FAM174B: variants seen among roughly 807,000 people sequenced by gnomAD.
FAM174B encodes the protein membrane protein FAM174B.
A neutral mutation model predicts 10.9 loss-of-function variants in FAM174B; 12 were observed. The ratio of observed to expected loss-of-function variants is 1.10; its 90% CI spans 0.71 to 1.79. The LOEUF is 1.79. Among genes scored for constraint, FAM174B ranks in the 40% most tolerant of loss-of-function variants. FAM174B has a pLI of 0.00. For missense variants in FAM174B, 266 were observed against 233.3 expected, an observed-to-expected ratio of 1.14 and a Z score of -0.91; for synonymous variants, 132 against 115.8, an observed-to-expected ratio of 1.14 and a Z score of -0.90.
Position 92,619,018 on chromosome 15 carries a change from CCAGTAGAGAAGAATG to C in FAM174B, c.*423_*437del. The C allele has an allele frequency of 3.4e-6, 2 of 595,244 alleles. No individual in the cohort carries two copies. Among genetic ancestry groups the C allele is most frequent in the South Asian group, 2.1e-5 (1 of 48,018 alleles). 36.9% of individuals were successfully genotyped at this position (595,244 alleles called of 1,614,324 possible). ...ATCAGATGGGGTCCAATGTGTAGAT[CCAGTAGAGAAGAATG>C]TCGGAAATTCTAAATACACAGTTGG... On this transcript the variant is annotated 3_prime_UTR_variant, in exon 3 of 3. Coordinates refer to ENST00000327355, the MANE Select transcript of FAM174B (RefSeq NM_207446.3).
intron 1 of FAM174B, among the ~76,000 whole-genome samples, chr15:92,638,790 G>A (rs1019464459): frequency 6.6e-6 from 1 of 152,132 alleles, no homozygotes; most frequent in Non-Finnish European, 1.5e-5. Flanking sequence ...GCAGGACATC[G>A]CAACCAGGCT....
At chr15:92,640,179 G>A (rs1018369531) in intron 1 of FAM174B, among the ~76,000 whole-genome samples, 11 of 152,100 alleles carry the variant, frequency 7.2e-5, no homozygotes, top group African/African-American at 2.4e-4. Flanking sequence ...AGAAGTACTA[G>A]AAGAAAACAT....
At chr15:92,630,826 TTATATATTA>T (rs1567044686) in intron 1 of FAM174B, among the ~76,000 whole-genome samples, 24 of 26,134 alleles carry the variant, frequency 9.2e-4, no homozygotes, top group Non-Finnish European at 2.0e-3. Flanking sequence ...ATATTACATA[TTATATATTA>T]TATATATTAC....
intron 1 of FAM174B, among the ~76,000 whole-genome samples, chr15:92,633,219 G>A (rs1178118724): frequency 2.0e-5 from 3 of 152,144 alleles, no homozygotes; most frequent in Non-Finnish European, 4.4e-5. Flanking sequence ...AGACACACGC[G>A]AGATCTCTTT....
intron 2 of FAM174B, among the ~76,000 whole-genome samples, chr15:92,626,589 C>A (rs2141950584): frequency 6.6e-6 from 1 of 152,152 alleles, no homozygotes; most frequent in African/African-American, 2.4e-5. Context: ...AAGCAGAAAC[C>A]CAGGCATGGA....
In FAM174B at chr15:92,630,257, C is replaced by T. The variant is rs553142684; in HGVS notation, c.433G>A (p.Asp145Asn). 1.2e-6 allele frequency: 2 copies of T among 1,613,508 alleles called. No individual in the cohort carries two copies. The highest frequency in any genetic ancestry group is 1.7e-5 in the Admixed American group (1 of 59,966). ...RVEMAPLNEE[D>N]DEDEDSTVFD... ...ACTGTGGAGTCCTCATCTTCATCAT[C>T]CTCTTCATTTAGTGGCGCCATTTCC... Residue 145 changes from aspartate (D) to asparagine (N), a missense_variant, in exon 2 of 3, where the codon GAT (aspartate) becomes AAT (asparagine). Transcript: ENST00000327355.
chr15:92,645,747 C>T (rs3743362), intron 1 of FAM174B: 85,689 of 151,960 alleles, frequency 0.56, 26,311 homozygotes, highest in Non-Finnish European at 0.67. Context: ...CCCAGGGGAC[C>T]TGACCACCAC....
chr15:92,622,988 T>G (rs2050729558), intron 2 of FAM174B, among the ~76,000 whole-genome samples: 1 of 152,112 alleles, frequency 6.6e-6, no homozygotes, highest in African/African-American at 2.4e-5. Context: ...AAACCTCATC[T>G]TTATTAAAAA....
Position 92,619,133 on chromosome 15 carries a change from ACTT to A in FAM174B, c.*320_*322del, listed in dbSNP as rs1193492839. On this transcript the variant is annotated 3_prime_UTR_variant, in exon 3 of 3. Transcript: ENST00000327355. ...TATTGTCAACAATTGTCTTAAAAAA[ACTT>A]CTTTAAAATCAACATGTTTCTACCC... The A allele has an allele frequency of 2.6e-5, 18 of 679,934 alleles. No homozygotes were observed. Among genetic ancestry groups the A allele is most frequent in the Non-Finnish European group, 4.3e-5 (16 of 373,340 alleles). The allele number at this position is 679,934 out of a possible 1,614,324, so 42.1% of individuals were successfully genotyped here. A position where few individuals can be genotyped will look rare whatever the true frequency, so the allele number is the denominator to read the frequency against.
chr15:92,619,593 G>C, intron 2 of FAM174B, 134 bp from the exon 3 acceptor site: 2 of 1,013,978 alleles, frequency 2.0e-6, no homozygotes, highest in Non-Finnish European at 2.9e-6. Flanking sequence ...CAGGACCTTT[G>C]AGCGTGCTGT....
chr15:92,621,750 C>T (rs2141946932), intron 2 of FAM174B, among the ~76,000 whole-genome samples: 1 of 152,256 alleles, frequency 6.6e-6, no homozygotes, highest in East Asian at 1.9e-4. Flanking sequence ...GACCCCCTGG[C>T]CCCTTCTGTG....
chr15:92,629,174 A>G (rs1596295834), intron 2 of FAM174B, among the ~76,000 whole-genome samples: 1 of 152,160 alleles, frequency 6.6e-6, no homozygotes, highest in Admixed American at 6.6e-5. Context: ...CAAGATAGGG[A>G]CCAGCCTGCA....
At chr15:92,626,300 G>T (rs562076665) in intron 2 of FAM174B, among the ~76,000 whole-genome samples, 2 of 151,834 alleles carry the variant, frequency 1.3e-5, no homozygotes, top group Admixed American at 6.6e-5. Context: ...GGGTTTCACC[G>T]TGTTAGCCAG....
Position 92,618,898 on chromosome 15 carries a change from G to C in FAM174B, c.*558C>G. 2.6e-6 allele frequency: 1 copy of C among 378,946 alleles called. No individual in the cohort carries two copies. Among genetic ancestry groups the C allele is most frequent in the Non-Finnish European group, 4.7e-6 (1 of 212,394 alleles). 23.5% of individuals were successfully genotyped at this position (378,946 alleles called of 1,614,324 possible). On this transcript the variant is annotated 3_prime_UTR_variant, in exon 3 of 3. Transcript: ENST00000327355. ...CCACAGACGTGTCCAGGTCTGGAAG[G>C]GGCTGACCAGCTCTAAGCACATCCA...
intron 1 of FAM174B, among the ~76,000 whole-genome samples, chr15:92,642,116 T>C (rs1027897877): frequency 9.2e-5 from 14 of 152,210 alleles, no homozygotes; most frequent in African/African-American, 3.1e-4. Context: ...CACAACGAGA[T>C]ACCACTTTAT....
chr15:92,621,187 C>T (rs993421323), intron 2 of FAM174B, among the ~76,000 whole-genome samples: 1 of 152,064 alleles, frequency 6.6e-6, no homozygotes, highest in Admixed American at 6.5e-5. Flanking sequence ...CATATACACA[C>T]GGATGAATCA....
chr15:92,649,436 G>T (rs534896298), intron 1 of FAM174B, among the ~76,000 whole-genome samples: 1 of 152,204 alleles, frequency 6.6e-6, no homozygotes, highest in African/African-American at 2.4e-5. Flanking sequence ...CCATATGGCT[G>T]CATCCTCATT....
chr15:92,619,670 T>TCC (rs914435907), intron 2 of FAM174B: 58 of 601,878 alleles, frequency 9.6e-5, no homozygotes, highest in Non-Finnish European at 1.6e-4. Flanking sequence ...TAAGGATCCC[T>TCC]CCCCCAGCTC....
rs2050689472 is a variant in FAM174B, at chr15:92,617,845, C to T, written c.*1611G>A. On this transcript the variant is annotated 3_prime_UTR_variant, in exon 3 of 3. Coordinates refer to ENST00000327355, the MANE Select transcript of FAM174B (RefSeq NM_207446.3). ...GAAAGTCAACAAAGAAGGTGAAATGCAGGGAGCAGAGACTACACGCAGGCC... is the reference window on the plus strand; with the variant it reads ...GAAAGTCAACAAAGAAGGTGAAATGTAGGGAGCAGAGACTACACGCAGGCC... 8.1e-6 allele frequency: 4 copies of T among 493,154 alleles called. No individual in the cohort carries two copies. The highest frequency in any genetic ancestry group is 1.4e-5 in the Non-Finnish European group (4 of 281,478). 30.5% of individuals were successfully genotyped at this position (493,154 alleles called of 1,614,324 possible).
Sources: gnomAD v4.1 joint callset for allele counts (sites outside exome capture counted in the v4.1 genomes callset) on GRCh38, gnomAD v4.1.1 for gene constraint, MANE v1.5 for transcripts, NCBI Gene and HGNC (gene_info 2026-07-23, HGNC 2026-07-21) for gene names.